Variants in UBAC2 observed in about 807,000 individuals in gnomAD.
The protein encoded by UBAC2 is UBA domain containing 2, also known as ubiquitin-associated domain-containing protein 2.
Under a neutral mutation model 44.0 loss-of-function variants are expected in UBAC2, and 26 were observed. That is an observed-to-expected ratio of 0.59 (90% CI 0.43 to 0.82). UBAC2 has a LOEUF of 0.82. UBAC2 is among the 40% of genes least tolerant of loss of function. The probability of loss-of-function intolerance (pLI) is 0.00; values close to 1 mark genes in which losing one functional copy is unlikely to be tolerated. For synonymous variants in UBAC2, 155 were observed against 154.3 expected, an observed-to-expected ratio of 1.00 and a Z score of -0.04; for missense variants, 329 against 419.4, an observed-to-expected ratio of 0.78 and a Z score of 1.88.
At chr13:99,301,830 T>C (rs768045727) in intron 4 of UBAC2, among the ~76,000 whole-genome samples, 4 of 152,254 alleles carry the variant, frequency 2.6e-5, no homozygotes, top group Non-Finnish European at 5.9e-5. Flanking sequence ...ACAAAACCTT[T>C]ACCATATTCG....
At chr13:99,243,233 C>CTTTTTTT (rs773750160) in intron 2 of UBAC2, among the ~76,000 whole-genome samples, 13 of 94,246 alleles carry the variant, frequency 1.4e-4, no homozygotes, top group Non-Finnish European at 1.9e-4. Context: ...TTGAGTAGCT[C>CTTTTTTT]TTTTTTTTTT....
At chr13:99,287,140 T>C (rs1250562384) in intron 4 of UBAC2, among the ~76,000 whole-genome samples, 1 of 152,212 alleles carries the variant, frequency 6.6e-6, no homozygotes, top group African/African-American at 2.4e-5. Context: ...GTTGGATCCC[T>C]AATGGGACAC....
At chr13:99,244,051 T>TA (rs2043351549) in intron 3 of UBAC2, 100 bp downstream of exon 3, 1 of 1,021,718 alleles carries the variant, frequency 9.8e-7, no homozygotes, top group Non-Finnish European at 1.4e-6. Context: ...TATTTACAGT[T>TA]ATCTTTTTAA....
intron 7 of UBAC2, among the ~76,000 whole-genome samples, chr13:99,343,032 A>T (rs1038581832): frequency 3.3e-5 from 5 of 152,198 alleles, no homozygotes; most frequent in African/African-American, 1.2e-4. Context: ...AGTCGGTGTT[A>T]GCTGGGAAGA....
intron 4 of UBAC2, among the ~76,000 whole-genome samples, chr13:99,262,044 C>T (rs2043670476): frequency 1.3e-5 from 2 of 152,150 alleles, no homozygotes; most frequent in Admixed American, 6.5e-5. Context: ...CTCACTGTCC[C>T]GCTCCTTCCT....
At chr13:99,207,524 C>T (rs1593993725) in intron 1 of UBAC2, among the ~76,000 whole-genome samples, 1 of 152,294 alleles carries the variant, frequency 6.6e-6, no homozygotes, top group East Asian at 1.9e-4. Context: ...TGCAATTAGT[C>T]TGCTACTCTT....
intron 4 of UBAC2, among the ~76,000 whole-genome samples, chr13:99,278,435 T>C (rs906977373): frequency 2.0e-5 from 3 of 152,154 alleles, no homozygotes; most frequent in Admixed American, 6.5e-5. Context: ...TTGCAACCGT[T>C]GGAGTATTTT....
intron 8 of UBAC2, chr13:99,372,492 G>A (rs1566527493): frequency 6.6e-6 from 1 of 152,532 alleles, no homozygotes; most frequent in East Asian, 1.9e-4. Flanking sequence ...CAAATCCATA[G>A]ACCCTGGGAT....
In UBAC2 at chr13:99,295,378, A is replaced by T; in HGVS notation, c.390-18719A>T. ...TAATTGCAACATGGTAAGGTGTGAA[A>T]CAGAGAACAAACACAACAATAATAA... On this transcript the variant is annotated intron_variant, in intron 4 of 8. Coordinates refer to ENST00000403766, the MANE Select transcript of UBAC2 (RefSeq NM_001144072.2). The surrounding 1 kb of genome is among the most constrained non-coding windows in gnomAD (Gnocchi z 4.1). 6.2e-7 allele frequency: 1 copy of T among 1,614,140 alleles called. No individual in the cohort carries two copies. Among genetic ancestry groups the T allele is most frequent in the South Asian group, 1.1e-5 (1 of 91,076 alleles).
intron 4 of UBAC2, among the ~76,000 whole-genome samples, chr13:99,289,878 G>A (rs1244982156): frequency 1.3e-5 from 2 of 152,076 alleles, no homozygotes; most frequent in Non-Finnish European, 2.9e-5. Context: ...CTCTCACCTC[G>A]GGCTGGAAGT....
At chr13:99,358,219 G>T (rs1488681449) in intron 7 of UBAC2, among the ~76,000 whole-genome samples, 1 of 152,216 alleles carries the variant, frequency 6.6e-6, no homozygotes, top group Non-Finnish European at 1.5e-5. Context: ...AGAAATTTCT[G>T]TCGGATTCTG....
rs537145884 is a variant in UBAC2, at chr13:99,361,796, G to A, written c.808-5991G>A. On this transcript the variant is annotated intron_variant, in intron 7 of 8. Transcript: ENST00000403766. ...CATTGCCAAATATCTCCTGGATTGG[G>A]GGTAGGAGAACAGAGTCACCATGAC... Among the ~76,000 whole-genome samples the A allele has an allele frequency of 6.6e-5, 10 of 152,240 alleles. No homozygotes were observed. In the South Asian group the frequency reaches 1.9e-3, roughly 28 times the overall value.
intron 6 of UBAC2, among the ~76,000 whole-genome samples, chr13:99,321,155 G>A (rs1486193245): frequency 6.6e-6 from 1 of 152,112 alleles, no homozygotes; most frequent in East Asian, 1.9e-4. Flanking sequence ...AAGAAAAAGA[G>A]TATTTTTTAA....
chr13:99,224,326 A>G (rs926452901), intron 1 of UBAC2, among the ~76,000 whole-genome samples: 5 of 152,034 alleles, frequency 3.3e-5, no homozygotes, highest in African/African-American at 1.2e-4. Context: ...AACCTTAATT[A>G]CCTCTTTAAA....
intron 1 of UBAC2, among the ~76,000 whole-genome samples, chr13:99,202,914 C>G (rs938275184): frequency 3.3e-5 from 5 of 152,168 alleles, no homozygotes; most frequent in Admixed American, 2.0e-4. Flanking sequence ...GCTGACGGAG[C>G]TTAGGCACAG....
intron 2 of UBAC2, among the ~76,000 whole-genome samples, chr13:99,239,450 C>T (rs2142728618): frequency 6.6e-6 from 1 of 152,312 alleles, no homozygotes; most frequent in East Asian, 1.9e-4. Flanking sequence ...TATATAAACA[C>T]AGTATCTCGC....
At chr13:99,350,557 G>T (rs769027974) in intron 7 of UBAC2, among the ~76,000 whole-genome samples, 11 of 152,236 alleles carry the variant, frequency 7.2e-5, no homozygotes, top group Admixed American at 1.3e-4. Flanking sequence ...GGAGCAGGGT[G>T]CAGGGGGTGC....
At chr13:99,220,828 T>A (rs1351323145) in intron 1 of UBAC2, among the ~76,000 whole-genome samples, 1 of 152,170 alleles carries the variant, frequency 6.6e-6, no homozygotes, top group Non-Finnish European at 1.5e-5. Flanking sequence ...ATCTTTTTCT[T>A]GAATTAGTAA....
intron 7 of UBAC2, among the ~76,000 whole-genome samples, chr13:99,357,117 G>T (rs1429595218): frequency 1.3e-5 from 2 of 152,184 alleles, no homozygotes; most frequent in Non-Finnish European, 2.9e-5. Flanking sequence ...TTTTTGCTAT[G>T]TCTTTTCTAT....
Sources: gnomAD v4.1 joint callset for allele counts (sites outside exome capture counted in the v4.1 genomes callset) on GRCh38, gnomAD v4.1.1 for gene constraint, Gnocchi (gnomAD v3.1) non-coding constraint, MANE v1.5 for transcripts, NCBI Gene and HGNC (gene_info 2026-07-23, HGNC 2026-07-21) for gene names.